The following KCTD5 variants were observed in gnomAD, a reference collection of about 807,000 sequenced individuals.
The protein encoded by KCTD5 is potassium channel tetramerization domain containing 5, also known as BTB/POZ domain-containing protein KCTD5.
In KCTD5, 12 loss-of-function variants were observed where a neutral mutation model predicts 27.9. That is an observed-to-expected ratio of 0.43 (90% CI 0.28 to 0.70). The LOEUF is 0.70. KCTD5 is among the 30% of genes least tolerant of loss of function. The pLI is 0.19. For missense variants in KCTD5, 226 were observed against 274.8 expected (o/e 0.82, Z 1.26); for synonymous variants, 147 against 121.4 (o/e 1.21, Z -1.39).
intron 1 of KCTD5, among the ~76,000 whole-genome samples, chr16:2,688,228 A>ATATATATAT (rs2067549785): frequency 3.1e-4 from 26 of 84,574 alleles, no homozygotes; most frequent in African/African-American, 1.0e-3. Context: ...TAAATAAATA[A>ATATATATAT]ATATATATAT....
chr16:2,685,887 G>A (rs533212683), intron 1 of KCTD5: 1 of 152,188 alleles, frequency 6.6e-6, no homozygotes, highest in Non-Finnish European at 1.5e-5. Context: ...GGCTTGCAGA[G>A]TGTGGGGGTC....
intron 1 of KCTD5, 147 bp downstream of exon 1, chr16:2,682,947 C>T: frequency 1.9e-6 from 2 of 1,040,070 alleles, no homozygotes; most frequent in Non-Finnish European, 2.6e-6. Context: ...TCGCCAGCTC[C>T]TCCCCAGCTT....
In KCTD5 at chr16:2,688,224, A is replaced by T. The variant is rs28576266; in HGVS notation, c.252+5424A>T. 9.2e-3 allele frequency among the ~76,000 whole-genome samples: 727 copies of T among 78,770 alleles called. 9 individuals carry two copies. The highest frequency in any genetic ancestry group is 0.027 in the African/African-American group (544 of 19,992). 51.7% of individuals were successfully genotyped at this position (78,770 alleles called of 152,430 possible). On this transcript the variant is annotated intron_variant, in intron 1 of 5. Transcript: ENST00000301738. Reference sequence around the variant, plus strand: ...GTTTTTATTATTAAATAAATAAATAAATAAATATATATATATATATATTTA... The same window carrying T: ...GTTTTTATTATTAAATAAATAAATATATAAATATATATATATATATATTTA...
In KCTD5 at chr16:2,707,535, C is replaced by A. The variant is rs376822951; in HGVS notation, c.*208C>A. On this transcript the variant is annotated 3_prime_UTR_variant, in exon 6 of 6. Coordinates refer to ENST00000301738, the MANE Select transcript of KCTD5 (RefSeq NM_018992.4). ...CAGACGTCCCCAAGTTGGGGGAGCA[C>A]GGCGGCCGGGTGGGCGCTGCCTCTT... 17 of 675,716 alleles carry A rather than the reference C, an allele frequency of 2.5e-5. No homozygotes were observed. In the Admixed American group the frequency reaches 2.9e-4, roughly 11 times the overall value. The allele number at this position is 675,716 out of a possible 1,614,324, so 41.9% of individuals were successfully genotyped here.
At chr16:2,699,095 C>G (rs541182528) in intron 3 of KCTD5, 9 of 454,846 alleles carry the variant, frequency 2.0e-5, no homozygotes, top group Non-Finnish European at 3.5e-5. Flanking sequence ...GCATGAGTCA[C>G]CACCTTAAGG....
intron 1 of KCTD5, among the ~76,000 whole-genome samples, chr16:2,688,364 C>T (rs1183102356): frequency 6.6e-6 from 1 of 151,606 alleles, no homozygotes; most frequent in Non-Finnish European, 1.5e-5. Context: ...ATTTCTCCTG[C>T]CCCACCCTCC....
chr16:2,697,921 C>A lies in KCTD5; in HGVS notation c.377C>A (p.Ala126Glu). 6.2e-7 allele frequency: 1 copy of A among 1,608,254 alleles called. No homozygotes were observed. The highest frequency in any genetic ancestry group is 8.5e-7 in the Non-Finnish European group (1 of 1,174,956). ...DLAEEGVLEE[A>E]EFYNITSLIK... is the part of the protein sequence containing the mutation. ...CTTATTCCAGGAGTGTTGGAGGAAG[C>A]AGAATTTTACAATATCACCTCATTA... The change falls in exon 3 of 6, where the codon GCA becomes GAA. Residue 126 changes from alanine to glutamate, a missense_variant. Physicochemically the swap from Ala to Glu is moderately radical, Grantham distance 107. Transcript: ENST00000301738.
Position 2,708,787 on chromosome 16 carries a change from T to TAA in KCTD5, c.*1460_*1461insAA, listed in dbSNP as rs1412552878. The TAA allele has an allele frequency of 6.6e-6, 1 of 152,248 alleles. No individual in the cohort carries two copies. Among genetic ancestry groups the TAA allele is most frequent in the Non-Finnish European group, 1.5e-5 (1 of 68,052 alleles). The allele number at this position is 152,248 out of a possible 1,614,324, so 9.4% of individuals were successfully genotyped here. ...CAGAGCCTGGGAGGAAGGCGGCCGC[T>TAA]GGGGCTCCTGGGCATCCTCTCTGGG... On this transcript the variant is annotated 3_prime_UTR_variant, in exon 6 of 6. Transcript: ENST00000301738.
Position 2,702,353 on chromosome 16 carries a change from T to C in KCTD5, c.550T>C (p.Leu184=), listed in dbSNP as rs201349674. The change falls in exon 5 of 6, where the codon TTG becomes CTG. Residue 184 remains leucine, a splice_region_variant and synonymous_variant. Transcript: ENST00000301738. ...CGTCTCAGGCTATGTCTCCTTGCAG[T>C]TGGTCAGCATCGGCTCCTCTTACAA... is the stretch of plus-strand genomic sequence containing the variant. ...TMSDGWKFEQ[L]VSIGSSYNYG... The C allele has an allele frequency of 6.2e-7, 1 of 1,613,432 alleles. No homozygotes were observed. Among genetic ancestry groups the C allele is most frequent in the Non-Finnish European group, 8.5e-7 (1 of 1,179,902 alleles).
At position 2,682,593 on chromosome 16, in the gene KCTD5, C is replaced by T. The variant is rs1243269485; in HGVS notation, c.45C>T (p.Gly15=). Residue 15 remains glycine (G), a synonymous_variant, in exon 1 of 6, where the codon GGC becomes GGT. Transcript: ENST00000301738. ...HCELLSPARG[G]IGAGLGGGLC... ...AGCTCCTGTCGCCGGCCCGGGGCGG[C>T]ATCGGGGCGGGGCTGGGGGGCGGCC... 1.4e-6 allele frequency: 2 copies of T among 1,426,432 alleles called. No individual in the cohort carries two copies. The highest frequency in any genetic ancestry group is 1.8e-6 in the Non-Finnish European group (2 of 1,094,918). 88.4% of individuals were successfully genotyped at this position (1,426,432 alleles called of 1,614,324 possible).
intron 1 of KCTD5, among the ~76,000 whole-genome samples, chr16:2,688,176 T>C (rs950330773): frequency 6.6e-6 from 1 of 150,984 alleles, no homozygotes. Context: ...TGCCTGGCGG[T>C]CTTCATTTCA....
chr16:2,691,391 G>A (rs1326133769), intron 1 of KCTD5, among the ~76,000 whole-genome samples: 1 of 152,250 alleles, frequency 6.6e-6, no homozygotes, highest in African/African-American at 2.4e-5. Flanking sequence ...AGAAGAGCCA[G>A]TTTTGGAATT....
At chr16:2,692,236 G>A (rs2067569804) in intron 1 of KCTD5, among the ~76,000 whole-genome samples, 2 of 152,308 alleles carry the variant, frequency 1.3e-5, no homozygotes, top group East Asian at 1.9e-4. Flanking sequence ...GGCCAGAAAC[G>A]TCTCTGGCCG....
chr16:2,704,193 G>T lies in KCTD5; in HGVS notation c.675+1715G>T, dbSNP rs77661775. Among the ~76,000 whole-genome samples, 561 of 152,326 alleles carry T rather than the reference G, an allele frequency of 3.7e-3. 1 individual carries two copies. The highest frequency in any genetic ancestry group is 0.013 in the African/African-American group (535 of 41,568). On this transcript the variant is annotated intron_variant, in intron 5 of 5. Coordinates refer to ENST00000301738, the MANE Select transcript of KCTD5 (RefSeq NM_018992.4). ...CAGCTATGGCGGCTTCTTGATGGGG[G>T]TGGTGTCAGCAGTGCCCCAGGAGGC...
At chr16:2,693,176 A>T (rs1369835654) in intron 1 of KCTD5, among the ~76,000 whole-genome samples, 1 of 152,206 alleles carries the variant, frequency 6.6e-6, no homozygotes, top group Non-Finnish European at 1.5e-5. Context: ...CCAGCTCTGC[A>T]TCGGGGCCCC....
intron 5 of KCTD5, 143 bp downstream of exon 5, chr16:2,702,621 T>C: frequency 8.6e-7 from 1 of 1,156,976 alleles, no homozygotes; most frequent in Non-Finnish European, 1.2e-6. Context: ...GGACACACGG[T>C]CTCCCGTGGG....
At chr16:2,707,077 ACAGT>A (rs1391366716) in intron 5 of KCTD5, among the ~76,000 whole-genome samples, 1 of 152,028 alleles carries the variant, frequency 6.6e-6, no homozygotes, top group Non-Finnish European at 1.5e-5. Context: ...GCTGCCATGC[ACAGT>A]GAGCGCTCCC....
chr16:2,682,744 C>T lies in KCTD5; in HGVS notation c.196C>T (p.Pro66Ser), dbSNP rs1168190919. The change falls in exon 1 of 6, where the codon CCG becomes TCG. Residue 66 changes from proline (P) to serine (S), a missense_variant. Pro to Ser is a moderately conservative substitution (Grantham distance 74). Coordinates refer to ENST00000301738, the MANE Select transcript of KCTD5 (RefSeq NM_018992.4). Reference sequence around the variant, plus strand: ...CACTCGGCAGACCCTGTGCCGGGACCCGAAATCCTTCCTGTACCGCTTATG... The same window carrying T: ...CACTCGGCAGACCCTGTGCCGGGACTCGAAATCCTTCCTGTACCGCTTATG... ...LTTRQTLCRD[P>S]KSFLYRLCQA... 1 of 1,609,758 alleles carries T rather than the reference C, an allele frequency of 6.2e-7. No individual in the cohort carries two copies. The highest frequency in any genetic ancestry group is 1.7e-5 in the Admixed American group (1 of 59,718).
chr16:2,700,064 CCT>C, intron 4 of KCTD5, 148 bp downstream of exon 4: 1 of 708,826 alleles, frequency 1.4e-6, no homozygotes, highest in Non-Finnish European at 2.4e-6. Context: ...CGACCTGTGC[CCT>C]GTTTCCACTG....
Sources: gnomAD v4.1 joint callset for allele counts (sites outside exome capture counted in the v4.1 genomes callset) on GRCh38, gnomAD v4.1.1 for gene constraint, MANE v1.5 for transcripts, NCBI Gene and HGNC (gene_info 2026-07-23, HGNC 2026-07-21) for gene names.